Variants in DOCK10 observed in about 807,000 individuals in gnomAD.
DOCK10 encodes the protein dedicator of cytokinesis protein 10.
A neutral mutation model predicts 280.1 loss-of-function variants in DOCK10; 145 were observed. The ratio of observed to expected loss-of-function variants is 0.52; its 90% confidence interval spans 0.45 to 0.59. The LOEUF (loss-of-function observed/expected upper bound fraction) is 0.59, where lower values mean the gene tolerates loss of function less well. Among genes scored for constraint, DOCK10 ranks in the 20% least tolerant of loss-of-function variants. The pLI is 0.00. For missense variants in DOCK10, 2,368 were observed against 2,651.7 expected, an observed-to-expected ratio of 0.89 and a Z score of 2.35; for synonymous variants, 915 against 942.2, an observed-to-expected ratio of 0.97 and a Z score of 0.53.
chr2:224,821,919 C>A (rs957705100), intron 28 of DOCK10, among the ~76,000 whole-genome samples: 3 of 151,800 alleles, frequency 2.0e-5, no homozygotes, highest in Admixed American at 6.6e-5. Context: ...AAGTAAAAAT[C>A]AGAGACAAAA....
chr2:224,888,335 ATG>A (rs1373805766), intron 4 of DOCK10, among the ~76,000 whole-genome samples: 3 of 151,258 alleles, frequency 2.0e-5, no homozygotes, highest in African/African-American at 7.3e-5. Flanking sequence ...GTGTGTATAC[ATG>A]TGTGAATACA....
chr2:224,981,180 C>G (rs6707384), intron 1 of DOCK10, among the ~76,000 whole-genome samples: 118,255 of 152,074 alleles, frequency 0.78, 46,667 homozygotes, highest in African/African-American at 0.92. Flanking sequence ...TTCCTATTTA[C>G]TGTTTCCTTT....
chr2:224,799,174 C>T lies in DOCK10; in HGVS notation c.4506+977G>A, dbSNP rs774725517. Among the ~76,000 whole-genome samples, 4 of 152,200 alleles carry T rather than the reference C, an allele frequency of 2.6e-5. No homozygotes were observed. In the South Asian group the frequency reaches 6.2e-4, roughly 24 times the overall value. On this transcript the variant is annotated intron_variant, in intron 41 of 55. Transcript: ENST00000258390. ...TTTTTTGTAATTCCTTCCTCCCATC[C>T]TTCCTCCACATCCCTAGGCAACCAC...
chr2:225,020,859 A>G (rs745607849), intron 1 of DOCK10, among the ~76,000 whole-genome samples: 12 of 152,192 alleles, frequency 7.9e-5, no homozygotes, highest in Non-Finnish European at 1.0e-4. Flanking sequence ...TACTTCTTGC[A>G]TTTGTGTGAA....
intron 1 of DOCK10, among the ~76,000 whole-genome samples, chr2:225,035,562 A>ATATATATC (rs1690218466): frequency 1.9e-5 from 1 of 53,528 alleles, no homozygotes; most frequent in African/African-American, 4.9e-5. Flanking sequence ...ATATATATAT[A>ATATATATC]TATATATATA....
intron 1 of DOCK10, among the ~76,000 whole-genome samples, chr2:224,989,227 C>A (rs1300483678): frequency 6.6e-6 from 1 of 152,138 alleles, no homozygotes; most frequent in African/African-American, 2.4e-5. Flanking sequence ...AGCTCAACTG[C>A]CTCGCAATCT....
intron 4 of DOCK10, among the ~76,000 whole-genome samples, chr2:224,888,731 AAT>A (rs1397865249): frequency 1.2e-4 from 18 of 148,036 alleles, no homozygotes; most frequent in Admixed American, 7.3e-4. Context: ...TATGTGTGTG[AAT>A]ATATGTGTGT....
Position 224,993,202 on chromosome 2 carries a change from G to GTTTTTTTTTTTTT in DOCK10, c.123+49037_123+49049dup, listed in dbSNP as rs112976099. On this transcript the variant is annotated intron_variant, in intron 1 of 55. Transcript: ENST00000258390. Reference sequence around the variant, plus strand: ...AGACTCAGATGGTCTTTCTTTGGAAGTTTTTTTTTTTTTTTTGCTGTCCAA... The same window carrying GTTTTTTTTTTTTT: ...AGACTCAGATGGTCTTTCTTTGGAAGTTTTTTTTTTTTTTTTTTTTTTTTTTTTTGCTGTCCAA... Among the ~76,000 whole-genome samples, 64 of 136,212 alleles carry GTTTTTTTTTTTTT rather than the reference G, an allele frequency of 4.7e-4. 2 individuals are homozygous for GTTTTTTTTTTTTT. The highest frequency in any genetic ancestry group is 7.5e-4 in the Non-Finnish European group (47 of 62,656). 89.4% of individuals were successfully genotyped at this position (136,212 alleles called of 152,430 possible). A position where few individuals can be genotyped will look rare whatever the true frequency, so the allele number is the denominator to read the frequency against.
chr2:224,921,112 AATATATAT>A (rs1201609470), intron 2 of DOCK10, among the ~76,000 whole-genome samples: 1 of 54,418 alleles, frequency 1.8e-5, no homozygotes, highest in South Asian at 6.4e-4. Context: ...AAAAAAAAAA[AATATATAT>A]ATATATATAT....
At chr2:225,030,569 C>T (rs1043283997) in intron 1 of DOCK10, among the ~76,000 whole-genome samples, 1 of 152,146 alleles carries the variant, frequency 6.6e-6, no homozygotes, top group Non-Finnish European at 1.5e-5. Context: ...GTGAGGCCTG[C>T]GTGTGCTACC....
Position 224,793,393 on chromosome 2 carries a change from A to G in DOCK10, c.5212+7T>C, listed in dbSNP as rs1395514755. The G allele has an allele frequency of 6.2e-7, 1 of 1,612,466 alleles. No individual in the cohort carries two copies. The highest frequency in any genetic ancestry group is 8.5e-7 in the Non-Finnish European group (1 of 1,179,016). On this transcript the variant is annotated splice_region_variant and intron_variant, in intron 46 of 55. Transcript: ENST00000258390. ...GGCTTTTTGCCTCCCTCATGTGGTC[A>G]TCTTACCCTTTCTTTTCAGATACTC...
At chr2:224,899,660 C>T (rs1462008072) in intron 3 of DOCK10, among the ~76,000 whole-genome samples, 2 of 151,934 alleles carry the variant, frequency 1.3e-5, no homozygotes, top group East Asian at 3.9e-4. Flanking sequence ...CAAAGTGAGT[C>T]GTTTTTATGG....
chr2:224,827,333 T>C (rs1191622693), intron 27 of DOCK10, among the ~76,000 whole-genome samples: 1 of 150,734 alleles, frequency 6.6e-6, no homozygotes, highest in Non-Finnish European at 1.5e-5. Flanking sequence ...TTAGAGATGG[T>C]TAGAGTGGAA....
At chr2:224,982,797 G>GA (rs1705815661) in intron 1 of DOCK10, among the ~76,000 whole-genome samples, 1 of 60,206 alleles carries the variant, frequency 1.7e-5, no homozygotes, top group Non-Finnish European at 3.1e-5. Flanking sequence ...GAGTGAAAAT[G>GA]ATTTTTTTTT....
At chr2:224,921,112 A>AAAAAAAAAAAATAT in intron 2 of DOCK10, among the ~76,000 whole-genome samples, 3 of 54,414 alleles carry the variant, frequency 5.5e-5, no homozygotes, top group African/African-American at 3.1e-4. Context: ...AAAAAAAAAA[A>AAAAAAAAAAAATAT]ATATATATAT....
At chr2:224,906,042 T>A (rs571327113) in intron 3 of DOCK10, among the ~76,000 whole-genome samples, 1 of 152,212 alleles carries the variant, frequency 6.6e-6, no homozygotes, top group Non-Finnish European at 1.5e-5. Context: ...TTATCTTCTT[T>A]GCTTCATCCT....
At chr2:224,774,709 A>G (rs1690704758) in intron 52 of DOCK10, among the ~76,000 whole-genome samples, 196 bp downstream of exon 52, 1 of 152,168 alleles carries the variant, frequency 6.6e-6, no homozygotes, top group Non-Finnish European at 1.5e-5. Flanking sequence ...TCTTTTGACA[A>G]TTTCTCCTCT....
At chr2:224,846,030 T>C (rs1384996817) in intron 19 of DOCK10, among the ~76,000 whole-genome samples, 1 of 152,230 alleles carries the variant, frequency 6.6e-6, no homozygotes, top group Non-Finnish European at 1.5e-5. Flanking sequence ...GGCCTAAAAA[T>C]TCTTTAACTG....
At chr2:224,825,905 A>G (rs1694815956) in intron 27 of DOCK10, among the ~76,000 whole-genome samples, 1 of 152,208 alleles carries the variant, frequency 6.6e-6, no homozygotes, top group Non-Finnish European at 1.5e-5. Flanking sequence ...CAAGGGGAAC[A>G]GGCCTGGGAT....
Sources: gnomAD v4.1 joint callset for allele counts (sites outside exome capture counted in the v4.1 genomes callset) on GRCh38, gnomAD v4.1.1 for gene constraint, MANE v1.5 for transcripts, NCBI Gene and HGNC (gene_info 2026-07-23, HGNC 2026-07-21) for gene names.